The following NLRP8 variants were observed in gnomAD, a reference collection of about 807,000 sequenced individuals.
The protein encoded by NLRP8 is NLR family pyrin domain containing 8, also known as NACHT, LRR and PYD domains-containing protein 8.
Under a neutral mutation model 88.7 loss-of-function variants are expected in NLRP8, and 86 were observed. That is an observed-to-expected ratio of 0.97 (90% CI 0.81 to 1.16). The LOEUF is 1.16. Ranked by LOEUF, NLRP8 falls within the 50% of genes most tolerant of loss-of-function variation. The pLI is 0.00. For synonymous variants in NLRP8, 504 were observed against 494.6 expected (o/e 1.02, Z -0.25); for missense variants, 1,342 against 1,286.5 (o/e 1.04, Z -0.66).
intron 7 of NLRP8, among the ~76,000 whole-genome samples, chr19:55,975,579 C>T (rs1458786481): frequency 2.6e-5 from 4 of 152,150 alleles, no homozygotes; most frequent in Admixed American, 6.5e-5. Context: ...GGTGTATTCA[C>T]GCAATGGAAT....
chr19:55,972,809 ATGTGTGTGTGTGTGTGTG>A (rs3055424), intron 6 of NLRP8, among the ~76,000 whole-genome samples: 1 of 135,036 alleles, frequency 7.4e-6, no homozygotes, highest in Admixed American at 7.5e-5. Flanking sequence ...GTGTGTGTGT[ATGTGTGTGTGTGTGTGTG>A]TGTGTGTGTG....
rs547425685 is a variant in NLRP8 at position 55,966,364 on chromosome 19, C to T, written c.2365C>T (p.Arg789Cys). The change falls in exon 5 of 10, where the codon CGT (arginine) becomes TGT (cysteine). Residue 789 changes from arginine to cysteine, a missense_variant. Transcript: ENST00000291971. Reference sequence around the variant, plus strand: ...CAGGGTGCTGAGATCCCCCCGGTGCCGTCTGCAGTGTCTCAGGTGAGATTT... The same window carrying T: ...CAGGGTGCTGAGATCCCCCCGGTGCTGTCTGCAGTGTCTCAGGTGAGATTT... 2.1e-5 allele frequency: 34 copies of T among 1,613,914 alleles called. No homozygotes were observed. Among genetic ancestry groups the T allele is most frequent in the South Asian group, 1.1e-4 (10 of 91,042 alleles).
rs530785504 is a variant in NLRP8 at position 55,959,464 on chromosome 19, G to A, written c.2043-2603G>A. 2.0e-4 allele frequency among the ~76,000 whole-genome samples: 31 copies of A among 151,524 alleles called. No individual in the cohort carries two copies. The South Asian group carries it at 4.0e-3, about 19-fold the overall frequency. ...CCTGACCTCATGATCCACCCGCCTCGGCCTCCCAAAGTGCTGGGATTACAG... is the reference window on the plus strand; with the variant it reads ...CCTGACCTCATGATCCACCCGCCTCAGCCTCCCAAAGTGCTGGGATTACAG... On this transcript the variant is annotated intron_variant, in intron 3 of 9. Coordinates refer to ENST00000291971, the MANE Select transcript of NLRP8 (RefSeq NM_176811.2).
chr19:55,966,409 G>C, intron 5 of NLRP8, 29 bp downstream of exon 5: 7 of 1,607,516 alleles, frequency 4.4e-6, no homozygotes, highest in Non-Finnish European at 6.0e-6. Context: ...GTTAGAGTGG[G>C]AACCGGGGTA....
At position 55,986,491 on chromosome 19, in the gene NLRP8, C is replaced by CAT. The variant is rs1270524098; in HGVS notation, c.3048-1322_3048-1321insTA. Among the ~76,000 whole-genome samples the CAT allele has an allele frequency of 1.4e-3, 213 of 150,648 alleles. 4 individuals carry two copies. The highest frequency in any genetic ancestry group is 4.8e-3 in the African/African-American group (195 of 40,694). On this transcript the variant is annotated intron_variant, in intron 9 of 9. Transcript: ENST00000291971. ...TCTCACATACACACACACACACACA[C>CAT]ACACACACACACACACACTAATTGC...
At position 55,970,620 on chromosome 19, in the gene NLRP8, A is replaced by T. The variant is rs575447810; in HGVS notation, c.2458A>T (p.Thr820Ser). The change falls in exon 6 of 10, where the codon ACT becomes TCT. Residue 820 changes from threonine to serine, a missense_variant. Coordinates refer to ENST00000291971, the MANE Select transcript of NLRP8 (RefSeq NM_176811.2). ...TCTTCAAGGTAACGGGCATCTAAAGACTCTCATACTAAGAAAAAACTCCCT... is the reference window on the plus strand; with the variant it reads ...TCTTCAAGGTAACGGGCATCTAAAGTCTCTCATACTAAGAAAAAACTCCCT... 4 of 1,613,816 alleles carry T rather than the reference A, an allele frequency of 2.5e-6. No individual in the cohort carries two copies. In the East Asian group the frequency reaches 6.7e-5, roughly 27 times the overall value.
intron 9 of NLRP8, among the ~76,000 whole-genome samples, chr19:55,985,234 C>T (rs140710638): frequency 0.033 from 5,039 of 151,646 alleles, 106 homozygotes; most frequent in Middle Eastern, 0.061. Flanking sequence ...ACTGGGGAGG[C>T]GGAGGTTGCA....
At chr19:55,987,239 A>G (rs1485193837) in intron 9 of NLRP8, among the ~76,000 whole-genome samples, 1 of 152,152 alleles carries the variant, frequency 6.6e-6, no homozygotes, top group African/African-American at 2.4e-5. Flanking sequence ...GCGTGGTGGC[A>G]TGTGCCTATA....
chr19:55,960,922 G>A lies in NLRP8; in HGVS notation c.2043-1145G>A, dbSNP rs1979581664. Among the ~76,000 whole-genome samples the A allele has an allele frequency of 4.8e-5, 4 of 83,890 alleles. No individual in the cohort carries two copies. In the South Asian group the frequency reaches 1.6e-3, roughly 34 times the overall value. The allele number at this position is 83,890 out of a possible 152,430, so 55.0% of individuals were successfully genotyped here. A position where few individuals can be genotyped will look rare whatever the true frequency, so the allele number is the denominator to read the frequency against. On this transcript the variant is annotated intron_variant, in intron 3 of 9. Transcript: ENST00000291971. ...CTTTTTTTTTTTTTTTTTTTTTTGA[G>A]ACAGAGTCTCACACTGTCACCCGGG...
Position 55,947,986 on chromosome 19 carries a change from A to G in NLRP8, c.84A>G (p.Thr28=). The G allele has an allele frequency of 6.2e-7, 1 of 1,614,000 alleles. No homozygotes were observed. The highest frequency in any genetic ancestry group is 1.3e-5 in the African/African-American group (1 of 74,978). Reference sequence around the variant, plus strand: ...ACAGTTCTCATATTCCGCCCTGGACATTCTCTTGCTACCCCGGCTCCCCAT... The same window carrying G: ...ACAGTTCTCATATTCCGCCCTGGACGTTCTCTTGCTACCCCGGCTCCCCAT... Residue 28 remains threonine (T), a synonymous_variant, in exon 1 of 10, where the codon ACA becomes ACG. Coordinates refer to ENST00000291971, the MANE Select transcript of NLRP8 (RefSeq NM_176811.2).
intron 9 of NLRP8, among the ~76,000 whole-genome samples, chr19:55,984,655 CAAA>C (rs149144840): frequency 5.8e-5 from 3 of 51,418 alleles, no homozygotes; most frequent in Admixed American, 2.3e-4. Context: ...ACACTGTCTC[CAAA>C]AAAAAAAAAA....
In NLRP8 at chr19:55,986,403, GTC is replaced by G. The variant is rs369821189; in HGVS notation, c.3048-1407_3048-1406del. Among the ~76,000 whole-genome samples the G allele has an allele frequency of 3.7e-3, 513 of 140,424 alleles. 5 individuals carry two copies. Among genetic ancestry groups the G allele is most frequent in the African/African-American group, 0.013 (493 of 37,410 alleles). 92.1% of individuals were successfully genotyped at this position (140,424 alleles called of 152,430 possible). On this transcript the variant is annotated intron_variant, in intron 9 of 9. Transcript: ENST00000291971. ...ACATTCTCTCACACACATACACACT[GTC>G]TCTGTCTCACACATTCTCTCTCTCA... is the stretch of plus-strand genomic sequence containing the variant.
rs759131290 is a variant in NLRP8 at position 55,955,863 on chromosome 19, C to T, written c.1805C>T (p.Pro602Leu). ...TTGCATAAATGTGACCCACCTTCTC[C>T]GGGCAGTGGGGTCCCGCAGTTATTC... Residue 602 changes from proline to leucine, a missense_variant, in exon 3 of 10, where the codon CCG becomes CTG. Transcript: ENST00000291971. 35 of 1,614,072 alleles carry T rather than the reference C, an allele frequency of 2.2e-5. No homozygotes were observed. The East Asian group carries it at 2.7e-4, about 12-fold the overall frequency.
intron 9 of NLRP8, among the ~76,000 whole-genome samples, chr19:55,983,864 T>C (rs1196312122): frequency 1.3e-5 from 2 of 150,640 alleles, no homozygotes; most frequent in African/African-American, 4.9e-5. Flanking sequence ...AACATCAATT[T>C]GCAATTTTTA....
At chr19:55,952,759 C>CT (rs991117055) in intron 2 of NLRP8, 147 bp downstream of exon 2, 15 of 622,126 alleles carry the variant, frequency 2.4e-5, no homozygotes, top group African/African-American at 2.4e-4. Context: ...AACTCTGTCT[C>CT]TACTAAAAAC....
At position 55,988,288 on chromosome 19, in the gene NLRP8, G is replaced by A. The variant is rs992715782; in HGVS notation, c.*375G>A. The A allele has an allele frequency of 2.5e-5, 4 of 161,580 alleles. No homozygotes were observed. Among genetic ancestry groups the A allele is most frequent in the South Asian group, 1.7e-4 (1 of 5,838 alleles). 10.0% of individuals were successfully genotyped at this position (161,580 alleles called of 1,614,324 possible). ...TGGGCTCCTGTAATCCCAGCTGCTC[G>A]GGAGGCTGAGGCAGGAGAATCACTT... On this transcript the variant is annotated 3_prime_UTR_variant, in exon 10 of 10. Coordinates refer to ENST00000291971, the MANE Select transcript of NLRP8 (RefSeq NM_176811.2).
At chr19:55,981,285 C>T (rs922632043) in intron 9 of NLRP8, among the ~76,000 whole-genome samples, 127 bp downstream of exon 10, 1 of 151,732 alleles carries the variant, frequency 6.6e-6, no homozygotes, top group Admixed American at 6.6e-5. Context: ...GTGGGCCGTC[C>T]TGACTCTGGA....
At chr19:55,976,425 AT>A in intron 8 of NLRP8, 122 bp downstream of exon 8, 7 of 838,394 alleles carry the variant, frequency 8.3e-6, no homozygotes, top group Non-Finnish European at 1.2e-5. Flanking sequence ...CCTCCATTGA[AT>A]TGGAGAACTG....
intron 4 of NLRP8, among the ~76,000 whole-genome samples, chr19:55,964,469 C>T (rs570319630): frequency 3.9e-5 from 6 of 152,012 alleles, no homozygotes; most frequent in African/African-American, 7.2e-5. Context: ...AAGAAATAGC[C>T]GGTCGGGCGT....
Sources: allele counts gnomAD v4.1 joint callset (sites outside exome capture counted in the v4.1 genomes callset), GRCh38; gene constraint gnomAD v4.1.1; transcripts MANE v1.5; gene names NCBI Gene and HGNC (gene_info 2026-07-23, HGNC 2026-07-21).